STOX1: variants seen among roughly 807,000 people sequenced by gnomAD.
STOX1 encodes the protein storkhead box 1, also known as storkhead-box protein 1.
A neutral mutation model predicts 74.8 loss-of-function variants in STOX1; 57 were observed. That is an observed-to-expected ratio of 0.76 (90% CI 0.62 to 0.95). STOX1 has a LOEUF of 0.95. STOX1 is among the 40% of genes least tolerant of loss of function. STOX1 has a pLI of 0.00. For synonymous variants in STOX1, 375 were observed against 401.3 expected (o/e 0.93, Z 0.78); for missense variants, 1,010 against 1,117.0 (o/e 0.90, Z 1.37).
intron 1 of STOX1, among the ~76,000 whole-genome samples, chr10:68,829,335 G>T (rs1000207526): frequency 2.0e-5 from 3 of 152,172 alleles, no homozygotes; most frequent in African/African-American, 7.2e-5. Context: ...GGCTAATACG[G>T]TGAAACCCCG....
intron 1 of STOX1, among the ~76,000 whole-genome samples, chr10:68,846,400 C>T (rs1360326007): frequency 5.9e-5 from 9 of 151,958 alleles, no homozygotes; most frequent in Non-Finnish European, 8.8e-5. Flanking sequence ...TCCACCTGCC[C>T]CGGCCCCCCA....
At chr10:68,846,133 T>TATC (rs2133522559) in intron 1 of STOX1, among the ~76,000 whole-genome samples, 1 of 141,896 alleles carries the variant, frequency 7.0e-6, no homozygotes, top group African/African-American at 2.8e-5. Flanking sequence ...TTATTATTAT[T>TATC]ATTATTATTA....
chr10:68,856,828 C>T (rs1482975929), intron 1 of STOX1, among the ~76,000 whole-genome samples: 1 of 152,078 alleles, frequency 6.6e-6, no homozygotes, highest in Non-Finnish European at 1.5e-5. Context: ...AGGTCCCTTC[C>T]CCTCCCACCT....
At position 68,827,589 on chromosome 10, in the gene STOX1, C is replaced by T; in HGVS notation, c.-35C>T. The T allele has an allele frequency of 1.8e-6, 2 of 1,125,316 alleles. No individual in the cohort carries two copies. The highest frequency in any genetic ancestry group is 2.2e-6 in the Non-Finnish European group (2 of 919,286). 69.7% of individuals were successfully genotyped at this position (1,125,316 alleles called of 1,614,324 possible). On this transcript the variant is annotated 5_prime_UTR_variant, in exon 1 of 4. Coordinates refer to ENST00000298596, the MANE Select transcript of STOX1 (RefSeq NM_152709.5). ...GTCGTAGCCGCCGCGCTCGCCGAGG[C>T]CCTGCGTTGCGGGCTCCCGGCCGCC...
chr10:68,859,484 G>A (rs1840208080), intron 1 of STOX1, among the ~76,000 whole-genome samples: 1 of 152,132 alleles, frequency 6.6e-6, no homozygotes, highest in South Asian at 2.1e-4. Flanking sequence ...AGGTAAAGCA[G>A]CAGCAGTCCT....
chr10:68,852,037 G>A (rs1839998453), intron 1 of STOX1, among the ~76,000 whole-genome samples: 1 of 152,010 alleles, frequency 6.6e-6, no homozygotes, highest in South Asian at 2.1e-4. Context: ...GGGAGGCTGA[G>A]GTAGCAGAAA....
chr10:68,848,795 G>A (rs1163177), intron 1 of STOX1, among the ~76,000 whole-genome samples: 10,528 of 152,140 alleles, frequency 0.069, 414 homozygotes, highest in Middle Eastern at 0.11. Context: ...CATCCAAGTA[G>A]CTAGGACTAC....
At chr10:68,835,705 G>C (rs1249370829) in intron 1 of STOX1, among the ~76,000 whole-genome samples, 1 of 152,104 alleles carries the variant, frequency 6.6e-6, no homozygotes, top group Non-Finnish European at 1.5e-5. Context: ...TTATGCATTG[G>C]GCCTTTTCGA....
intron 1 of STOX1, among the ~76,000 whole-genome samples, chr10:68,832,013 C>T (rs1194237400): frequency 6.6e-6 from 1 of 151,914 alleles, no homozygotes; most frequent in Non-Finnish European, 1.5e-5. Context: ...GATCCTCCCC[C>T]CTCGGCCTCC....
At chr10:68,869,124 C>T (rs1184614652) in intron 1 of STOX1, among the ~76,000 whole-genome samples, 1 of 152,222 alleles carries the variant, frequency 6.6e-6, no homozygotes, top group Non-Finnish European at 1.5e-5. Context: ...CAGCCACAGA[C>T]TTCCGGGAAT....
At chr10:68,854,410 C>A (rs1275324060) in intron 1 of STOX1, among the ~76,000 whole-genome samples, 1 of 151,818 alleles carries the variant, frequency 6.6e-6, no homozygotes, top group Non-Finnish European at 1.5e-5. Context: ...GATCCTCCCA[C>A]CTCAGCCTCC....
intron 1 of STOX1, among the ~76,000 whole-genome samples, chr10:68,836,543 G>A (rs572856342): frequency 1.3e-5 from 2 of 152,276 alleles, no homozygotes; most frequent in South Asian, 4.1e-4. Context: ...GCTTAGTGCT[G>A]GTCACGTCCA....
At position 68,869,352 on chromosome 10, in the gene STOX1, G is replaced by A. The variant is rs77493851; in HGVS notation, c.311-12606G>A. On this transcript the variant is annotated intron_variant, in intron 1 of 3. Transcript: ENST00000298596. ...TAAGGAATGATTGAGGGACTGTGCT[G>A]TTATAATATCAATTTACTCTGAGTG... Among the ~76,000 whole-genome samples, 7 of 152,328 alleles carry A rather than the reference G, an allele frequency of 4.6e-5. No individual in the cohort carries two copies. The East Asian group carries it at 9.6e-4, about 21-fold the overall frequency.
At chr10:68,878,499 G>A (rs1253471974) in intron 1 of STOX1, among the ~76,000 whole-genome samples, 1 of 152,142 alleles carries the variant, frequency 6.6e-6, no homozygotes, top group East Asian at 1.9e-4. Flanking sequence ...TTTCAGAGTG[G>A]TATAGGCCTC....
intron 1 of STOX1, among the ~76,000 whole-genome samples, chr10:68,832,099 G>T (rs1839427880): frequency 6.6e-6 from 1 of 152,020 alleles, no homozygotes; most frequent in South Asian, 2.1e-4. Flanking sequence ...ATTAGCCAGT[G>T]GCTTTCACAA....
At chr10:68,834,142 C>T (rs139750370) in intron 1 of STOX1, among the ~76,000 whole-genome samples, 37 of 152,314 alleles carry the variant, frequency 2.4e-4, no homozygotes, top group African/African-American at 6.3e-4. Flanking sequence ...CACATCTCCT[C>T]GTGCTCCTCC....
chr10:68,846,120 T>TTA (rs1190153789), intron 1 of STOX1, among the ~76,000 whole-genome samples: 1 of 1,560 alleles, frequency 6.4e-4, no homozygotes, highest in Non-Finnish European at 4.3e-3. Flanking sequence ...CTTGAGGTTT[T>TTA]TATTATTATT....
intron 1 of STOX1, among the ~76,000 whole-genome samples, chr10:68,837,964 A>T (rs912684882): frequency 6.6e-6 from 1 of 151,868 alleles, no homozygotes; most frequent in Admixed American, 6.6e-5. Flanking sequence ...TATAGTTTTC[A>T]GTATGCCTGT....
Position 68,883,140 on chromosome 10 carries a change from G to A in STOX1, c.463+1030G>A, listed in dbSNP as rs528589860. ...CGCCTGTAATCCCAGCACTTTGGGA[G>A]GCCAAGGTGGGCGGATCACGAGGTC... On this transcript the variant is annotated intron_variant, in intron 2 of 3. Transcript: ENST00000298596. 3.2e-4 allele frequency among the ~76,000 whole-genome samples: 48 copies of A among 151,882 alleles called. No homozygotes were observed. In the South Asian group the frequency reaches 9.8e-3, roughly 31 times the overall value.
Sources: allele counts gnomAD v4.1 joint callset (sites outside exome capture counted in the v4.1 genomes callset), GRCh38; gene constraint gnomAD v4.1.1; transcripts MANE v1.5; gene names NCBI Gene and HGNC (gene_info 2026-07-23, HGNC 2026-07-21).